Variants in ARHGAP15 observed in about 807,000 individuals in gnomAD.
ARHGAP15 encodes rho GTPase-activating protein 15.
In ARHGAP15, 51 loss-of-function variants were observed where a neutral mutation model predicts 63.7. The ratio of observed to expected loss-of-function variants is 0.80; its 90% CI spans 0.64 to 1.01. The LOEUF (loss-of-function observed/expected upper bound fraction) is 1.01. Ranked by LOEUF, ARHGAP15 falls within the 50% of genes least tolerant of loss-of-function variation. The pLI is 0.00. For missense variants in ARHGAP15, 560 were observed against 564.6 expected (o/e 0.99, Z 0.08); for synonymous variants, 191 against 193.8 (o/e 0.99, Z 0.12).
chr2:143,145,916 A>G (rs1401216262), intron 1 of ARHGAP15, among the ~76,000 whole-genome samples: 1 of 150,728 alleles, frequency 6.6e-6, no homozygotes, highest in Non-Finnish European at 1.5e-5. Flanking sequence ...CTTTATTTCC[A>G]TATGGAATAT....
chr2:143,289,330 A>G (rs1682274069), intron 6 of ARHGAP15, among the ~76,000 whole-genome samples: 1 of 152,204 alleles, frequency 6.6e-6, no homozygotes, highest in Admixed American at 6.5e-5. Flanking sequence ...ACTGTGCAAC[A>G]GTGCTTTTAC....
chr2:143,747,083 G>T (rs946022297), intron 13 of ARHGAP15, among the ~76,000 whole-genome samples: 7 of 151,926 alleles, frequency 4.6e-5, no homozygotes, highest in Admixed American at 1.3e-4. Context: ...CCTGTCAGGG[G>T]GTGGGGAGAA....
chr2:143,215,481 T>C (rs1386984646), intron 3 of ARHGAP15, among the ~76,000 whole-genome samples: 2 of 152,142 alleles, frequency 1.3e-5, no homozygotes, highest in Non-Finnish European at 2.9e-5. Flanking sequence ...TGGTGGACTA[T>C]TTCAGCTAGG....
intron 12 of ARHGAP15, among the ~76,000 whole-genome samples, chr2:143,638,835 C>T (rs943457529): frequency 1.3e-5 from 2 of 151,816 alleles, no homozygotes; most frequent in Admixed American, 6.6e-5. Flanking sequence ...CATAACTGTC[C>T]ATATGATTAC....
chr2:143,724,955 C>T (rs1685215814), intron 13 of ARHGAP15, among the ~76,000 whole-genome samples: 1 of 152,172 alleles, frequency 6.6e-6, no homozygotes, highest in Non-Finnish European at 1.5e-5. Flanking sequence ...AACCTCCACC[C>T]ACTTATCTAA....
At chr2:143,160,662 T>G (rs879400002) in intron 2 of ARHGAP15, among the ~76,000 whole-genome samples, 19 of 151,972 alleles carry the variant, frequency 1.3e-4, no homozygotes, top group Non-Finnish European at 2.4e-4. Context: ...TTTGCAGACA[T>G]GCTGTAGAAC....
intron 11 of ARHGAP15, among the ~76,000 whole-genome samples, chr2:143,592,963 G>C (rs929225245): frequency 6.6e-6 from 1 of 152,148 alleles, no homozygotes; most frequent in Non-Finnish European, 1.5e-5. Context: ...GTTGTTCAAG[G>C]TTCCATAAAG....
chr2:143,489,306 TCATG>T (rs962532410), intron 9 of ARHGAP15, among the ~76,000 whole-genome samples: 34 of 152,222 alleles, frequency 2.2e-4, no homozygotes, highest in African/African-American at 8.0e-4. Context: ...ACACTCTGAT[TCATG>T]CATTTCTTAT....
At position 143,737,122 on chromosome 2, in the gene ARHGAP15, TGA is replaced by T. The variant is rs759529467; in HGVS notation, c.1245-30863_1245-30862del. On this transcript the variant is annotated intron_variant, in intron 13 of 13. Coordinates refer to ENST00000295095, the MANE Select transcript of ARHGAP15 (RefSeq NM_018460.4). Reference sequence around the variant, plus strand: ...TCTAGTGGGAACAGATGAGCGCAGTTGAGAGTCATTAACTAGCCGGGAACATT... The same window carrying T: ...TCTAGTGGGAACAGATGAGCGCAGTTGAGTCATTAACTAGCCGGGAACATT... Among the ~76,000 whole-genome samples, 13 of 152,346 alleles carry T rather than the reference TGA, an allele frequency of 8.5e-5. No individual in the cohort carries two copies. In the East Asian group the frequency reaches 2.5e-3, roughly 29 times the overall value.
chr2:143,325,776 T>A (rs1684222820), intron 6 of ARHGAP15, among the ~76,000 whole-genome samples: 1 of 152,182 alleles, frequency 6.6e-6, no homozygotes, highest in Non-Finnish European at 1.5e-5. Flanking sequence ...AGTGCTTCTA[T>A]GTTGGTTATA....
chr2:143,747,080 G>A (rs190947526), intron 13 of ARHGAP15, among the ~76,000 whole-genome samples: 1 of 151,972 alleles, frequency 6.6e-6, no homozygotes, highest in African/African-American at 2.4e-5. Context: ...GGGCCTGTCA[G>A]GGGGTGGGGA....
At chr2:143,335,971 G>A (rs1222692784) in intron 6 of ARHGAP15, among the ~76,000 whole-genome samples, 1 of 151,946 alleles carries the variant, frequency 6.6e-6, no homozygotes, top group Non-Finnish European at 1.5e-5. Flanking sequence ...AAATGAAAAT[G>A]ATGATAGTTT....
chr2:143,292,071 A>G lies in ARHGAP15; in HGVS notation c.474+41471A>G, dbSNP rs183720862. Among the ~76,000 whole-genome samples, 438 of 151,594 alleles carry G rather than the reference A, an allele frequency of 2.9e-3. 1 individual carries two copies. The highest frequency in any genetic ancestry group is 9.9e-3 in the African/African-American group (408 of 41,322). On this transcript the variant is annotated intron_variant, in intron 6 of 13. Transcript: ENST00000295095. ...AGACAGCTACAGCCAAGTGCCCCAA[A>G]TTAATATTAATAACAATGAGTATAA...
intron 6 of ARHGAP15, among the ~76,000 whole-genome samples, chr2:143,380,953 G>C (rs1347816475): frequency 2.0e-5 from 3 of 152,254 alleles, no homozygotes; most frequent in Admixed American, 6.5e-5. Flanking sequence ...GTGAATGAGA[G>C]ATGACCCTGG....
intron 10 of ARHGAP15, among the ~76,000 whole-genome samples, chr2:143,543,371 G>C (rs1403475606): frequency 6.6e-6 from 1 of 151,820 alleles, no homozygotes; most frequent in Non-Finnish European, 1.5e-5. Flanking sequence ...TTAGTTTTTT[G>C]CTCATTTTTA....
intron 11 of ARHGAP15, 41 bp downstream of exon 11, chr2:143,556,526 A>T (rs1396760821): frequency 2.1e-6 from 3 of 1,426,324 alleles, no homozygotes; most frequent in Non-Finnish European, 2.0e-6. Context: ...AAACAGTTTC[A>T]TATGGAACAA....
At chr2:143,467,817 C>T (rs929218568) in intron 8 of ARHGAP15, among the ~76,000 whole-genome samples, 10 of 152,018 alleles carry the variant, frequency 6.6e-5, no homozygotes, top group African/African-American at 2.2e-4. Flanking sequence ...ACCATAATGA[C>T]GATATTGGGC....
chr2:143,301,995 AAAGTT>A (rs1682925850), intron 6 of ARHGAP15, among the ~76,000 whole-genome samples: 1 of 151,990 alleles, frequency 6.6e-6, no homozygotes, highest in Non-Finnish European at 1.5e-5. Context: ...TTTTATAAAA[AAAGTT>A]AAGAACTTCT....
Position 143,239,990 on chromosome 2 carries a change from C to CAAAAAAAAAAAAAAAAAAAAAA in ARHGAP15, c.385-10511_385-10490dup, listed in dbSNP as rs60960176. Among the ~76,000 whole-genome samples, 4 of 26,468 alleles carry CAAAAAAAAAAAAAAAAAAAAAA rather than the reference C, an allele frequency of 1.5e-4. 2 individuals carry two copies. The highest frequency in any genetic ancestry group is 3.2e-3 in the East Asian group (2 of 620). 17.4% of individuals were successfully genotyped at this position (26,468 alleles called of 152,430 possible). A position where few individuals can be genotyped will look rare whatever the true frequency, so the allele number is the denominator to read the frequency against. The stretch of plus-strand genomic sequence containing the variant: ...TGGGTGATAGAGTGAGACTCTGTCT[C>CAAAAAAAAAAAAAAAAAAAAAA]AAAAAAAAAAAAAAAAAAAAAAAAA... On this transcript the variant is annotated intron_variant, in intron 5 of 13. Transcript: ENST00000295095.
Sources: gnomAD v4.1 joint callset for allele counts (sites outside exome capture counted in the v4.1 genomes callset) on GRCh38, gnomAD v4.1.1 for gene constraint, MANE v1.5 for transcripts, NCBI Gene and HGNC (gene_info 2026-07-23, HGNC 2026-07-21) for gene names.